Variants in KIAA1217 observed in about 807,000 individuals in gnomAD.
KIAA1217 encodes KIAA1217.
A neutral mutation model predicts 163.9 loss-of-function variants in KIAA1217; 88 were observed. The ratio of observed to expected loss-of-function variants is 0.54; its 90% CI spans 0.45 to 0.64. KIAA1217 has a LOEUF of 0.64. KIAA1217 is among the 30% of genes least tolerant of loss of function. KIAA1217 has a pLI of 0.00. For missense variants in KIAA1217, 2,372 were observed against 2,475.0 expected (o/e 0.96, Z 0.88); for synonymous variants, 903 against 923.1 (o/e 0.98, Z 0.39).
At chr10:24,494,465 A>G (rs1255518039) in intron 6 of KIAA1217, 35 bp from the exon 7 acceptor site, 9 of 1,558,688 alleles carry the variant, frequency 5.8e-6, no homozygotes, top group East Asian at 2.2e-5. Context: ...TTGAAAGTCC[A>G]TAAAGCTTTA....
chr10:24,077,111 A>G (rs1299972995), intron 2 of KIAA1217, among the ~76,000 whole-genome samples: 3 of 152,278 alleles, frequency 2.0e-5, no homozygotes, highest in South Asian at 4.1e-4. Flanking sequence ...CCCTGACCTC[A>G]GGTGATCCAC....
chr10:24,520,177 A>C lies in KIAA1217; in HGVS notation c.2232A>C (p.Arg744=). 6.2e-7 allele frequency: 1 copy of C among 1,614,078 alleles called. No homozygotes were observed. Among genetic ancestry groups the C allele is most frequent in the Non-Finnish European group, 8.5e-7 (1 of 1,179,994 alleles). The stretch of plus-strand genomic sequence containing the variant: ...AGAAGGACTCCACGGCAGCCAGCCG[A>C]TTGGTTACTCTGAAAGACGTGGAAG... ...DLKKDSTAAS[R]LVTLKDVEDG... Residue 744 remains arginine, a synonymous_variant, in exon 11 of 21, where the codon CGA becomes CGC. Transcript: ENST00000376454.
At chr10:24,303,207 G>A (rs1423441717) in intron 2 of KIAA1217, among the ~76,000 whole-genome samples, 2 of 151,956 alleles carry the variant, frequency 1.3e-5, no homozygotes, top group African/African-American at 4.8e-5. Flanking sequence ...TTAGAGACAG[G>A]ATCTTGCTGT....
chr10:23,789,088 G>T (rs1313191260), intron 1 of KIAA1217, among the ~76,000 whole-genome samples: 2 of 152,146 alleles, frequency 1.3e-5, no homozygotes, highest in Non-Finnish European at 2.9e-5. Flanking sequence ...AGAAAACTTT[G>T]TCTTTTCTAT....
At position 24,092,553 on chromosome 10, in the gene KIAA1217, A is replaced by G. The variant is rs2061973589; in HGVS notation, c.-171+85179A>G. Among the ~76,000 whole-genome samples the G allele has an allele frequency of 2.6e-5, 4 of 151,918 alleles. No homozygotes were observed. In the South Asian group the frequency reaches 8.3e-4, roughly 31 times the overall value. On this transcript the variant is annotated intron_variant, in intron 2 of 18. Transcript: ENST00000376462. ...ACACAAATTGCAGTCTGTGTACACC[A>G]TGGAACACTACTCAACAATGGAAAG...
intron 2 of KIAA1217, among the ~76,000 whole-genome samples, chr10:24,049,171 A>G (rs931505998): frequency 2.4e-4 from 37 of 152,194 alleles, no homozygotes; most frequent in African/African-American, 8.4e-4. Flanking sequence ...GTATAGAGTC[A>G]CCTCTTAAAG....
At chr10:24,329,620 A>G (rs2045397653) in intron 2 of KIAA1217, among the ~76,000 whole-genome samples, 1 of 152,160 alleles carries the variant, frequency 6.6e-6, no homozygotes, top group African/African-American at 2.4e-5. Context: ...AACTACTCGG[A>G]ACCTAGATGT....
At chr10:24,444,869 G>T (rs573218968) in intron 5 of KIAA1217, among the ~76,000 whole-genome samples, 2 of 152,134 alleles carry the variant, frequency 1.3e-5, no homozygotes, top group African/African-American at 4.8e-5. Context: ...CGTGTGTTTT[G>T]TGTGTTGGCT....
At chr10:24,196,115 C>CAG (rs2066976017) in intron 2 of KIAA1217, among the ~76,000 whole-genome samples, 1 of 146,008 alleles carries the variant, frequency 6.8e-6, no homozygotes, top group African/African-American at 2.6e-5. Flanking sequence ...GCTGGGGTGA[C>CAG]AGAGTGAGAC....
intron 1 of KIAA1217, among the ~76,000 whole-genome samples, chr10:23,970,547 A>G (rs370922538): frequency 3.9e-5 from 6 of 152,218 alleles, no homozygotes; most frequent in African/African-American, 1.4e-4. Context: ...AACAGAAAGG[A>G]TATGTTTTTG....
intron 1 of KIAA1217, among the ~76,000 whole-genome samples, chr10:23,788,713 A>G (rs1244244167): frequency 6.6e-6 from 1 of 152,222 alleles, no homozygotes; most frequent in East Asian, 1.9e-4. Flanking sequence ...ACTCATTTAC[A>G]TGGCTAATCA....
chr10:23,967,647 A>T (rs191334293), intron 1 of KIAA1217, among the ~76,000 whole-genome samples: 3 of 152,182 alleles, frequency 2.0e-5, no homozygotes. Context: ...GTGTAAATAC[A>T]AACAGTTTTG....
intron 5 of KIAA1217, among the ~76,000 whole-genome samples, chr10:24,468,865 C>T (rs976226174): frequency 2.6e-5 from 4 of 152,196 alleles, no homozygotes; most frequent in African/African-American, 9.7e-5. Context: ...CTCATCTATA[C>T]ATACCACTAG....
chr10:24,330,941 A>AT (rs1476376565), intron 2 of KIAA1217, among the ~76,000 whole-genome samples: 1 of 151,648 alleles, frequency 6.6e-6, no homozygotes, highest in Admixed American at 6.6e-5. Flanking sequence ...TCTTATATAT[A>AT]TTTTTTTATT....
rs1158383207 is a variant in KIAA1217 at position 24,446,403 on chromosome 10, A to C, written c.846+7924A>C. Among the ~76,000 whole-genome samples, 20 of 151,302 alleles carry C rather than the reference A, an allele frequency of 1.3e-4. 1 individual carries two copies. The highest frequency in any genetic ancestry group is 1.3e-3 in the Admixed American group (20 of 15,182). On this transcript the variant is annotated intron_variant, in intron 5 of 20. Coordinates refer to ENST00000376454, the MANE Select transcript of KIAA1217 (RefSeq NM_019590.5). ...CACACTAAAAATATATCCATTAAAA[A>C]AAGAAAAGAAAAGAAAAGAAAAAGA... is the stretch of plus-strand genomic sequence containing the variant.
chr10:24,435,194 G>T (rs2059925822), intron 4 of KIAA1217, among the ~76,000 whole-genome samples: 1 of 152,172 alleles, frequency 6.6e-6, no homozygotes, highest in Non-Finnish European at 1.5e-5. Flanking sequence ...CATGCCTCAA[G>T]GTATAGATAC....
intron 1 of KIAA1217, among the ~76,000 whole-genome samples, chr10:23,921,624 G>A (rs1465931470): frequency 1.3e-5 from 2 of 152,118 alleles, no homozygotes; most frequent in Non-Finnish European, 2.9e-5. Context: ...ACTTTGAGCT[G>A]GGGGCTGAGC....
chr10:24,288,843 C>T (rs1459336365), intron 2 of KIAA1217, among the ~76,000 whole-genome samples: 1 of 152,148 alleles, frequency 6.6e-6, no homozygotes, highest in African/African-American at 2.4e-5. Context: ...GATGTTTGGA[C>T]TTAATCCTGT....
intron 2 of KIAA1217, among the ~76,000 whole-genome samples, chr10:24,245,252 A>C (rs1447529024): frequency 6.6e-6 from 1 of 152,212 alleles, no homozygotes; most frequent in Non-Finnish European, 1.5e-5. Context: ...CACTAGATTT[A>C]GTAAACGCAC....
Sources: allele counts gnomAD v4.1 joint callset (sites outside exome capture counted in the v4.1 genomes callset), GRCh38; gene constraint gnomAD v4.1.1; transcripts MANE v1.5; gene names NCBI Gene and HGNC (gene_info 2026-07-23, HGNC 2026-07-21).